Variants in ROCK2 observed in about 807,000 individuals in gnomAD.
ROCK2 encodes the protein rho-associated protein kinase 2.
ROCK2 carries 61 observed loss-of-function variants against 195.1 expected under a neutral mutation model. That is an observed-to-expected ratio of 0.31 (90% CI 0.25 to 0.39). ROCK2 has a LOEUF of 0.39. Ranked by LOEUF, ROCK2 falls within the 10% of genes least tolerant of loss-of-function variation. The pLI, the probability that ROCK2 is intolerant of heterozygous loss-of-function variation, is 1.00. For synonymous variants in ROCK2, 504 were observed against 545.5 expected, an observed-to-expected ratio of 0.92 and a Z score of 1.06; for missense variants, 1,109 against 1,637.4, an observed-to-expected ratio of 0.68 and a Z score of 5.57.
At chr2:11,232,844 G>C (rs1330719337) in intron 5 of ROCK2, among the ~76,000 whole-genome samples, 1 of 152,114 alleles carries the variant, frequency 6.6e-6, no homozygotes, top group East Asian at 1.9e-4. Context: ...AGAGTTAAAA[G>C]ATATAAACAG....
intron 1 of ROCK2, among the ~76,000 whole-genome samples, chr2:11,299,820 G>A (rs1667651075): frequency 6.6e-6 from 1 of 152,142 alleles, no homozygotes; most frequent in South Asian, 2.1e-4. Flanking sequence ...AGAAACCAGA[G>A]AAGCAAGGCA....
intron 1 of ROCK2, among the ~76,000 whole-genome samples, chr2:11,296,781 T>C (rs1490341999): frequency 6.6e-6 from 1 of 152,192 alleles, no homozygotes; most frequent in African/African-American, 2.4e-5. Context: ...TTTTGACATC[T>C]ATGCAATACA....
chr2:11,194,850 T>C, intron 28 of ROCK2, 105 bp downstream of exon 28: 1 of 468,608 alleles, frequency 2.1e-6, no homozygotes, highest in Admixed American at 4.0e-5. Flanking sequence ...AAGTTCTATG[T>C]GTCTAAAGGT....
chr2:11,192,856 T>C lies in ROCK2; in HGVS notation c.3688-144A>G, dbSNP rs1299377438. On this transcript the variant is annotated intron_variant, in intron 30 of 32. Transcript: ENST00000315872. This position sits in a 1 kb window ranked among gnomAD's most constrained non-coding sequence, Gnocchi z 5.0. Reference sequence around the variant, plus strand: ...TATCTGAAGTACAAACTTAAGCTCTTGATTACGCAAACTTAATCAAGAGCT... The same window carrying C: ...TATCTGAAGTACAAACTTAAGCTCTCGATTACGCAAACTTAATCAAGAGCT... The C allele has an allele frequency of 5.3e-6, 5 of 952,070 alleles. No homozygotes were observed. The African/African-American group carries it at 8.3e-5, about 16-fold the overall frequency. 59.0% of individuals were successfully genotyped at this position (952,070 alleles called of 1,614,324 possible).
At chr2:11,292,493 T>C (rs1667392485) in intron 1 of ROCK2, among the ~76,000 whole-genome samples, 1 of 152,200 alleles carries the variant, frequency 6.6e-6, no homozygotes, top group Admixed American at 6.5e-5. Flanking sequence ...ATTAAAATTT[T>C]ATGATGCTCT....
At chr2:11,313,737 T>C (rs972911782) in intron 1 of ROCK2, among the ~76,000 whole-genome samples, 7 of 151,976 alleles carry the variant, frequency 4.6e-5, no homozygotes, top group Non-Finnish European at 5.9e-5. Context: ...CGGGAATTTG[T>C]ACAGTTTCAT....
intron 10 of ROCK2, 108 bp from the exon 11 acceptor site, chr2:11,218,574 G>A (rs1197147170): frequency 1.4e-6 from 1 of 719,726 alleles, no homozygotes; most frequent in Non-Finnish European, 2.2e-6. Context: ...TAATGCTTTA[G>A]CTTTCATAAG....
At chr2:11,248,307 G>A (rs1210191554) in intron 4 of ROCK2, among the ~76,000 whole-genome samples, 2 of 152,016 alleles carry the variant, frequency 1.3e-5, no homozygotes, top group African/African-American at 4.8e-5. Flanking sequence ...AAGAACTGGT[G>A]TATACCTAAT....
At chr2:11,301,656 T>C (rs984355103) in intron 1 of ROCK2, among the ~76,000 whole-genome samples, 3 of 150,986 alleles carry the variant, frequency 2.0e-5, no homozygotes, top group Non-Finnish European at 2.9e-5. Flanking sequence ...CAGGTGCCTG[T>C]AATTTCAGCT....
At chr2:11,317,608 A>ATTTTTTTTTTT (rs1210144997) in intron 1 of ROCK2, among the ~76,000 whole-genome samples, 4 of 15,938 alleles carry the variant, frequency 2.5e-4, no homozygotes, top group South Asian at 2.5e-3. Context: ...ATATATATAT[A>ATTTTTTTTTTT]TATATTTTTT....
At chr2:11,244,033 A>G (rs1665525656) in intron 4 of ROCK2, among the ~76,000 whole-genome samples, 1 of 152,200 alleles carries the variant, frequency 6.6e-6, no homozygotes, top group Non-Finnish European at 1.5e-5. Flanking sequence ...TGAACATGTA[A>G]AATATTTTTA....
At chr2:11,321,186 CTT>C (rs1668387621) in intron 1 of ROCK2, among the ~76,000 whole-genome samples, 1 of 152,012 alleles carries the variant, frequency 6.6e-6, no homozygotes, top group Non-Finnish European at 1.5e-5. Context: ...AAATTATTTT[CTT>C]GTTTTGAAAC....
intron 1 of ROCK2, among the ~76,000 whole-genome samples, chr2:11,293,423 T>C (rs963384921): frequency 7.9e-5 from 12 of 152,204 alleles, no homozygotes; most frequent in African/African-American, 2.9e-4. Flanking sequence ...AGCAGTTCTT[T>C]AAAAATTGGC....
chr2:11,325,472 T>C (rs1349654925), intron 1 of ROCK2, among the ~76,000 whole-genome samples: 2 of 152,236 alleles, frequency 1.3e-5, no homozygotes, highest in Non-Finnish European at 2.9e-5. Context: ...ATTTGTATTT[T>C]AAGCAGAGGG....
At chr2:11,286,789 A>T (rs1027253739) in intron 2 of ROCK2, 150 bp from the exon 3 acceptor site, 3 of 523,308 alleles carry the variant, frequency 5.7e-6, no homozygotes, top group Non-Finnish European at 1.0e-5. Flanking sequence ...AATCTAAGAT[A>T]TACATTAACG....
intron 1 of ROCK2, among the ~76,000 whole-genome samples, chr2:11,329,831 A>G (rs1345407306): frequency 6.6e-6 from 1 of 152,180 alleles, no homozygotes; most frequent in East Asian, 1.9e-4. Context: ...ATTCTTCTTT[A>G]ACCTGAATAT....
At chr2:11,261,538 G>C (rs975098616) in intron 3 of ROCK2, among the ~76,000 whole-genome samples, 3 of 152,178 alleles carry the variant, frequency 2.0e-5, no homozygotes, top group African/African-American at 7.2e-5. Flanking sequence ...GCATGGATTT[G>C]CCGGGCTTGG....
In ROCK2 at chr2:11,216,186, T is replaced by C. The variant is rs1358847863; in HGVS notation, c.1433A>G (p.Glu478Gly). 1 of 1,612,366 alleles carries C rather than the reference T, an allele frequency of 6.2e-7. No individual in the cohort carries two copies. The highest frequency in any genetic ancestry group is 1.3e-5 in the African/African-American group (1 of 74,898). ...QKCKSVNTRLEKTAKELEEEI... is the reference protein window; with the variant it reads ...QKCKSVNTRLGKTAKELEEEI... ...CTCTTCTAGCTCCTTTGCTGTTTTT[T>C]CTAGGCGAGTATTAACAGATCTAAA... Residue 478 changes from glutamate to glycine, a missense_variant, in exon 13 of 33, where the codon GAA becomes GGA. Glu to Gly is a moderately conservative substitution (Grantham distance 98). Transcript: ENST00000315872.
At chr2:11,249,838 T>G (rs912806242) in intron 3 of ROCK2, 40 bp from the exon 4 acceptor site, 1 of 1,408,684 alleles carries the variant, frequency 7.1e-7, no homozygotes, top group Non-Finnish European at 9.3e-7. Flanking sequence ...TACTTTCATG[T>G]TATGAGAGAA....
Sources: gnomAD v4.1 joint callset for allele counts (sites outside exome capture counted in the v4.1 genomes callset) on GRCh38, gnomAD v4.1.1 for gene constraint, Gnocchi (gnomAD v3.1) non-coding constraint, MANE v1.5 for transcripts, NCBI Gene and HGNC (gene_info 2026-07-23, HGNC 2026-07-21) for gene names.